TMTC2: variants seen among roughly 807,000 people sequenced by gnomAD.
TMTC2 encodes the protein protein O-mannosyl-transferase TMTC2.
A neutral mutation model predicts 82.4 loss-of-function variants in TMTC2; 43 were observed. That is an observed-to-expected ratio of 0.52 (90% CI 0.41 to 0.67). The LOEUF (loss-of-function observed/expected upper bound fraction) is 0.67. Among genes scored for constraint, TMTC2 ranks in the 30% least tolerant of loss-of-function variants. TMTC2 has a pLI of 0.00. For synonymous variants in TMTC2, 408 were observed against 381.9 expected, an observed-to-expected ratio of 1.07 and a Z score of -0.80; for missense variants, 919 against 1,012.4, an observed-to-expected ratio of 0.91 and a Z score of 1.25.
intron 1 of TMTC2, among the ~76,000 whole-genome samples, chr12:82,755,078 A>C (rs1358003798): frequency 6.6e-6 from 1 of 152,228 alleles, no homozygotes; most frequent in Non-Finnish European, 1.5e-5. Context: ...AGTACATGCC[A>C]ACATTCCAAC....
intron 1 of TMTC2, among the ~76,000 whole-genome samples, chr12:82,705,167 A>G (rs1335288491): frequency 1.3e-5 from 2 of 152,188 alleles, no homozygotes; most frequent in African/African-American, 2.4e-5. Context: ...GAATGACACA[A>G]TGGACTTTGG....
intron 1 of TMTC2, among the ~76,000 whole-genome samples, chr12:82,834,146 TAAC>T (rs1302870976): frequency 6.6e-6 from 1 of 152,174 alleles, no homozygotes; most frequent in African/African-American, 2.4e-5. Context: ...CAAAACATAT[TAAC>T]AATAAGGAAG....
At chr12:83,073,374 A>G (rs576005788) in intron 11 of TMTC2, among the ~76,000 whole-genome samples, 70 of 152,268 alleles carry the variant, frequency 4.6e-4, no homozygotes, top group Admixed American at 1.2e-3. Flanking sequence ...TTTCCTTCAT[A>G]GGTTACCTGG....
intron 7 of TMTC2, among the ~76,000 whole-genome samples, chr12:82,972,589 G>A (rs1304239400): frequency 6.6e-6 from 1 of 152,148 alleles, no homozygotes; most frequent in African/African-American, 2.4e-5. Flanking sequence ...AAAAGCTTGT[G>A]TGAATTTTAG....
intron 1 of TMTC2, among the ~76,000 whole-genome samples, chr12:82,765,677 AAAAAC>A (rs907816682): frequency 1.8e-3 from 279 of 151,496 alleles, no homozygotes; most frequent in South Asian, 4.4e-3. Context: ...TCCATCTCGA[AAAAAC>A]AAAACAAAAC....
chr12:83,048,949 G>A (rs759717518), intron 9 of TMTC2, among the ~76,000 whole-genome samples: 4 of 152,178 alleles, frequency 2.6e-5, no homozygotes, highest in Admixed American at 6.5e-5. Context: ...GATTACAGGC[G>A]TGAGCCACTG....
chr12:83,021,205 A>C (rs1489184896), intron 8 of TMTC2, among the ~76,000 whole-genome samples: 1 of 151,996 alleles, frequency 6.6e-6, no homozygotes, highest in Admixed American at 6.6e-5. Context: ...TCTCATTGCA[A>C]GGTATCCGAT....
intron 1 of TMTC2, among the ~76,000 whole-genome samples, chr12:82,731,307 G>T (rs1394687993): frequency 6.6e-6 from 1 of 152,232 alleles, no homozygotes; most frequent in South Asian, 2.1e-4. Context: ...GGTTGCCAAC[G>T]TGGGGCTCCA....
chr12:82,760,717 C>A (rs1304666678), intron 1 of TMTC2, among the ~76,000 whole-genome samples: 9 of 151,968 alleles, frequency 5.9e-5, no homozygotes, highest in Admixed American at 5.2e-4. Flanking sequence ...CTGGTATTGC[C>A]CCCTGAGCTC....
rs181065771 is a variant in TMTC2 at position 82,803,600 on chromosome 12, A to G, written c.84-53410A>G. ...CATTAAGAGACAAAATGGCAAGAGTATCACCTTCCAGAAGCATTTCACTGG... is the reference window on the plus strand; with the variant it reads ...CATTAAGAGACAAAATGGCAAGAGTGTCACCTTCCAGAAGCATTTCACTGG... On this transcript the variant is annotated intron_variant, in intron 1 of 11. Coordinates refer to ENST00000321196, the MANE Select transcript of TMTC2 (RefSeq NM_152588.3). 5.2e-4 allele frequency among the ~76,000 whole-genome samples: 79 copies of G among 152,228 alleles called. 1 individual carries two copies. Among genetic ancestry groups the G allele is most frequent in the Non-Finnish European group, 7.5e-4 (51 of 68,010 alleles).
intron 1 of TMTC2, among the ~76,000 whole-genome samples, chr12:82,817,088 C>T (rs1174965000): frequency 6.6e-6 from 1 of 151,634 alleles, no homozygotes; most frequent in African/African-American, 2.4e-5. Context: ...CTGCCTCAGC[C>T]TCCCAAGTAG....
intron 9 of TMTC2, among the ~76,000 whole-genome samples, chr12:83,048,972 T>C (rs1470239443): frequency 6.6e-6 from 1 of 152,216 alleles, no homozygotes; most frequent in Non-Finnish European, 1.5e-5. Context: ...TCCAGCCAGC[T>C]ATGGTTTATT....
chr12:82,856,621 T>C lies in TMTC2; in HGVS notation c.84-389T>C, dbSNP rs1592578188. ...TTCTAGTAGGAGGCTAGTCCTTGCA[T>C]CACCTGGGCCTTGCTTCTTAAAAAT... On this transcript the variant is annotated intron_variant, in intron 1 of 11. Coordinates refer to ENST00000321196, the MANE Select transcript of TMTC2 (RefSeq NM_152588.3). 2.0e-5 allele frequency among the ~76,000 whole-genome samples: 3 copies of C among 152,332 alleles called. 1 individual carries two copies. The South Asian group carries it at 6.2e-4, about 32-fold the overall frequency.
intron 4 of TMTC2, among the ~76,000 whole-genome samples, chr12:82,936,179 G>A (rs2137252516): frequency 6.6e-6 from 1 of 152,112 alleles, no homozygotes; most frequent in African/African-American, 2.4e-5. Flanking sequence ...AAGAAAAGAT[G>A]GGCAATCTCA....
chr12:82,907,345 C>T (rs7975416), intron 3 of TMTC2, among the ~76,000 whole-genome samples: 12,860 of 151,756 alleles, frequency 0.085, 595 homozygotes, highest in African/African-American at 0.12. Context: ...CGCCTATAGT[C>T]CCAACTACTC....
In TMTC2 at chr12:83,005,224, A is replaced by AAG. The variant is rs1555204787; in HGVS notation, c.2070+19178_2070+19179insAG. On this transcript the variant is annotated intron_variant, in intron 8 of 11. Transcript: ENST00000321196. ...GTCTTATTAAAAAAAAAAAAAAAAA[A>AAG]GGGGAGAGAGAGAAAAGAAAAAAGG... Among the ~76,000 whole-genome samples the AAG allele has an allele frequency of 2.0e-3, 25 of 12,710 alleles. No homozygotes were observed. The East Asian group carries it at 0.13, about 67-fold the overall frequency. 8.3% of individuals were successfully genotyped at this position (12,710 alleles called of 152,430 possible).
At chr12:82,839,304 T>C (rs1224693117) in intron 1 of TMTC2, among the ~76,000 whole-genome samples, 2 of 152,222 alleles carry the variant, frequency 1.3e-5, no homozygotes, top group Non-Finnish European at 2.9e-5. Context: ...CAACTTTTAA[T>C]GTTTTTCAAT....
chr12:82,993,299 A>G (rs992442641), intron 8 of TMTC2, among the ~76,000 whole-genome samples: 2 of 151,914 alleles, frequency 1.3e-5, no homozygotes, highest in Non-Finnish European at 2.9e-5. Flanking sequence ...TTATTTATTT[A>G]TTTCAAAACA....
chr12:82,984,998 A>G (rs938592286), intron 7 of TMTC2, among the ~76,000 whole-genome samples: 7 of 113,712 alleles, frequency 6.2e-5, no homozygotes, highest in Admixed American at 5.3e-4. Flanking sequence ...GGATTTTCCA[A>G]ATGAAACTGG....
Sources: gnomAD v4.1 joint callset for allele counts (sites outside exome capture counted in the v4.1 genomes callset) on GRCh38, gnomAD v4.1.1 for gene constraint, MANE v1.5 for transcripts, NCBI Gene and HGNC (gene_info 2026-07-23, HGNC 2026-07-21) for gene names.